MTNAP1: variants seen among roughly 807,000 people sequenced by gnomAD.
MTNAP1 encodes mitochondrial nucleoid-associated protein 1.
chr17:73,242,223 G>T, the MTNAP1 span: 2 of 1,501,164 alleles, frequency 1.3e-6, no homozygotes, highest in South Asian at 2.4e-5. Flanking sequence ...CAATGACAGT[G>T]ACTTCTGTTT....
the MTNAP1 span, chr17:73,235,460 C>T: frequency 6.3e-7 from 1 of 1,576,550 alleles, no homozygotes; most frequent in Admixed American, 1.8e-5. Context: ...CATAATCTCA[C>T]ATTTACCTTT....
the MTNAP1 span, among the ~76,000 whole-genome samples, chr17:73,237,670 T>C: frequency 1.3e-5 from 2 of 152,186 alleles, no homozygotes; most frequent in Non-Finnish European, 2.9e-5. Flanking sequence ...GAATAAGCAC[T>C]GTGTTCAGAA....
At chr17:73,241,804 C>T in the MTNAP1 span, among the ~76,000 whole-genome samples, 1 of 152,284 alleles carries the variant, frequency 6.6e-6, no homozygotes, top group Non-Finnish European at 1.5e-5. Flanking sequence ...TGGCGTGTGC[C>T]TGTAATCCCA....
the MTNAP1 span, chr17:73,242,876 CCG>C: frequency 1.3e-6 from 2 of 1,597,096 alleles, no homozygotes; most frequent in South Asian, 2.3e-5. Flanking sequence ...TAACAACAAG[CCG>C]TGTTTCCTTT....
At chr17:73,232,597 C>T in the MTNAP1 span, 2 of 352,198 alleles carry the variant, frequency 5.7e-6, no homozygotes, top group Non-Finnish European at 1.0e-5. Flanking sequence ...AACAGGCGGA[C>T]CTATCCGGCA....
the MTNAP1 span, chr17:73,242,308 C>G: frequency 3.7e-6 from 6 of 1,604,882 alleles, no homozygotes; most frequent in Non-Finnish European, 5.1e-6. Flanking sequence ...GACTTACAAC[C>G]TCCAACTTCT....
At chr17:73,236,950 C>T in the MTNAP1 span, 1 of 1,606,086 alleles carries the variant, frequency 6.2e-7, no homozygotes, top group Non-Finnish European at 8.5e-7. Flanking sequence ...TGCAATGACC[C>T]AGAAGCCACA....
At chr17:73,234,791 G>GTA in the MTNAP1 span, among the ~76,000 whole-genome samples, 1 of 151,408 alleles carries the variant, frequency 6.6e-6, no homozygotes, top group African/African-American at 2.4e-5. Flanking sequence ...GTGTGTGTGT[G>GTA]TATATGCATA....
At chr17:73,239,977 G>A in the MTNAP1 span, among the ~76,000 whole-genome samples, 3 of 152,330 alleles carry the variant, frequency 2.0e-5, no homozygotes, top group African/African-American at 7.2e-5. Flanking sequence ...GAACCTGGAG[G>A]TATTAACTAC....
chr17:73,242,191 G>A, the MTNAP1 span: 1 of 1,227,128 alleles, frequency 8.1e-7, no homozygotes, highest in Non-Finnish European at 1.2e-6. Context: ...GGATGTTAGG[G>A]AAGGGGGTAC....
chr17:73,241,779 A>C, the MTNAP1 span, among the ~76,000 whole-genome samples: 20 of 152,288 alleles, frequency 1.3e-4, no homozygotes, highest in African/African-American at 3.6e-4. Context: ...AATAACAAAA[A>C]TTAGCCTGGC....
chr17:73,245,664 C>G, the MTNAP1 span: 1 of 985,336 alleles, frequency 1.0e-6, no homozygotes, highest in Non-Finnish European at 1.2e-6. Flanking sequence ...CTTTGGGGCC[C>G]TTGACCAGAT....
the MTNAP1 span, chr17:73,232,875 TG>T: frequency 6.6e-6 from 1 of 152,190 alleles, no homozygotes; most frequent in African/African-American, 2.4e-5. Flanking sequence ...AAATCCTCGG[TG>T]GGGCTGCGGG....
the MTNAP1 span, chr17:73,242,379 C>T: frequency 6.8e-7 from 1 of 1,460,552 alleles, no homozygotes; most frequent in Non-Finnish European, 9.3e-7. Context: ...CTGTTGTCTT[C>T]TGTTGCAGGT....
the MTNAP1 span, among the ~76,000 whole-genome samples, chr17:73,233,968 G>A: frequency 1.3e-5 from 2 of 152,218 alleles, no homozygotes; most frequent in South Asian, 2.1e-4. Context: ...TACAGGATAA[G>A]GTGGGTTGGT....
At chr17:73,248,107 C>CA in the MTNAP1 span, 2 of 209,386 alleles carry the variant, frequency 9.6e-6, no homozygotes, top group Non-Finnish European at 1.9e-5. Context: ...CTCCAGGGTG[C>CA]AATACTGATG....
the MTNAP1 span, chr17:73,244,547 G>A: frequency 1.2e-5 from 1 of 82,816 alleles, no homozygotes; most frequent in Non-Finnish European, 2.1e-5. Context: ...GGCAACAAGT[G>A]AAACTGCATC....
At chr17:73,246,734 A>G in the MTNAP1 span, among the ~76,000 whole-genome samples, 1 of 152,190 alleles carries the variant, frequency 6.6e-6, no homozygotes, top group African/African-American at 2.4e-5. Flanking sequence ...ATTCAGCAAT[A>G]TATCCCTGTA....
the MTNAP1 span, chr17:73,235,702 A>G: frequency 6.2e-7 from 1 of 1,614,148 alleles, no homozygotes; most frequent in Non-Finnish European, 8.5e-7. Flanking sequence ...AGAGACAGAG[A>G]ATGAAGAAAG....
Sources: allele counts gnomAD v4.1 joint callset (sites outside exome capture counted in the v4.1 genomes callset), GRCh38; gene constraint gnomAD v4.1.1; transcripts MANE v1.5; gene names NCBI Gene and HGNC (gene_info 2026-07-23, HGNC 2026-07-21).